Variants in MBD5 observed in about 807,000 individuals in gnomAD.
MBD5 encodes the protein methyl-CpG binding domain protein 5.
MBD5 carries 13 observed loss-of-function variants against 117.3 expected under a neutral mutation model. The ratio of observed to expected loss-of-function variants is 0.11; its 90% CI spans 0.07 to 0.18. The LOEUF is 0.18. MBD5 is among the 10% of genes least tolerant of loss of function. The pLI, the probability that MBD5 is intolerant of heterozygous loss-of-function variation, is 1.00. For missense variants in MBD5, 1,879 were observed against 2,093.8 expected (o/e 0.90, Z 2.00); for synonymous variants, 727 against 766.4 (o/e 0.95, Z 0.85).
At chr2:148,111,324 T>C (rs2105350960) in intron 1 of MBD5, among the ~76,000 whole-genome samples, 1 of 152,264 alleles carries the variant, frequency 6.6e-6, no homozygotes, top group South Asian at 2.1e-4. Context: ...CCAATAATGT[T>C]TAGCCTAAGT....
intron 2 of MBD5, among the ~76,000 whole-genome samples, chr2:148,214,296 G>A (rs1699500017): frequency 1.3e-5 from 2 of 152,146 alleles, no homozygotes; most frequent in African/African-American, 4.8e-5. Context: ...ACATAAATAA[G>A]CATGGCTGTG....
chr2:148,322,638 A>G (rs564673848), intron 3 of MBD5, among the ~76,000 whole-genome samples: 5 of 152,172 alleles, frequency 3.3e-5, no homozygotes, highest in Non-Finnish European at 5.9e-5. Context: ...CTGTAGACTT[A>G]CTCCATGTGC....
At chr2:148,473,261 A>G (rs556317534) in intron 8 of MBD5, among the ~76,000 whole-genome samples, 56 of 152,262 alleles carry the variant, frequency 3.7e-4, no homozygotes, top group Admixed American at 2.7e-3. Context: ...ACTGCCCCTT[A>G]TTAGTGAATC....
chr2:148,346,126 C>G (rs1000180974), intron 4 of MBD5: 9 of 151,800 alleles, frequency 5.9e-5, no homozygotes, highest in African/African-American at 1.9e-4. Flanking sequence ...ATGGGAGTCT[C>G]TGTACTTTCC....
At chr2:148,299,465 T>C (rs780610252) in intron 3 of MBD5, among the ~76,000 whole-genome samples, 114 of 152,312 alleles carry the variant, frequency 7.5e-4, no homozygotes, top group Non-Finnish European at 1.3e-3. Context: ...TAAAGTTGTT[T>C]GTAACTTTAG....
At chr2:148,285,273 GTTATATACCT>G (rs1423922630) in intron 3 of MBD5, among the ~76,000 whole-genome samples, 2 of 152,144 alleles carry the variant, frequency 1.3e-5, no homozygotes, top group African/African-American at 4.8e-5. Context: ...CTCAATAACA[GTTATATACCT>G]TTGACATTGT....
At chr2:148,397,208 A>G (rs1447327299) in intron 4 of MBD5, among the ~76,000 whole-genome samples, 1 of 152,146 alleles carries the variant, frequency 6.6e-6, no homozygotes, top group Non-Finnish European at 1.5e-5. Flanking sequence ...GTGTAGTAAA[A>G]ATTGTCAACC....
At chr2:148,385,296 A>ATG (rs1704315255) in intron 4 of MBD5, among the ~76,000 whole-genome samples, 1 of 152,238 alleles carries the variant, frequency 6.6e-6, no homozygotes, top group Non-Finnish European at 1.5e-5. Flanking sequence ...AAAAGTGGGC[A>ATG]AAGGATATGA....
At chr2:148,434,978 C>A (rs929195098) in intron 4 of MBD5, among the ~76,000 whole-genome samples, 1 of 151,986 alleles carries the variant, frequency 6.6e-6, no homozygotes, top group Middle Eastern at 3.2e-3. Flanking sequence ...GGAATTGAAC[C>A]CTTTGTCATT....
chr2:148,378,547 A>T lies in MBD5; in HGVS notation c.-557+36211A>T, dbSNP rs186674774. 4.6e-5 allele frequency among the ~76,000 whole-genome samples: 7 copies of T among 152,218 alleles called. No homozygotes were observed. In the East Asian group the frequency reaches 1.3e-3, roughly 29 times the overall value. On this transcript the variant is annotated intron_variant, in intron 4 of 13. Coordinates refer to ENST00000642680, the MANE Select transcript of MBD5 (RefSeq NM_001378120.1). The stretch of plus-strand genomic sequence containing the variant: ...TCAGAGTAGTTTTAGTTTTTATACT[A>T]TATCATAAATAGCTCATCAGCTGTG...
chr2:148,510,824 T>C (rs1406583506), intron 13 of MBD5, among the ~76,000 whole-genome samples: 1 of 152,246 alleles, frequency 6.6e-6, no homozygotes, highest in Non-Finnish European at 1.5e-5. Context: ...AAACCATCAT[T>C]TCGCAGATGG....
In MBD5 at chr2:148,063,728, G is replaced by A. The variant is rs963987552; in HGVS notation, c.-925+42044G>A. Among the ~76,000 whole-genome samples the A allele has an allele frequency of 5.3e-5, 8 of 151,936 alleles. No homozygotes were observed. The East Asian group carries it at 5.8e-4, about 11-fold the overall frequency. On this transcript the variant is annotated intron_variant, in intron 1 of 13. Coordinates refer to ENST00000642680, the MANE Select transcript of MBD5 (RefSeq NM_001378120.1). The stretch of plus-strand genomic sequence containing the variant: ...TTTCCCACCACTGTACAATTTACAC[G>A]TCCTGAAAAGCCTGTTAATATACCA...
chr2:148,230,680 A>T (rs1699962287), intron 2 of MBD5, among the ~76,000 whole-genome samples: 1 of 152,072 alleles, frequency 6.6e-6, no homozygotes, highest in Non-Finnish European at 1.5e-5. Flanking sequence ...AGCAAGTCTC[A>T]GAGTCTCACC....
chr2:148,294,509 T>TTTTTTGTTTGTTTTTTTTTTTGTTTG (rs750245317), intron 3 of MBD5, among the ~76,000 whole-genome samples: 10 of 129,984 alleles, frequency 7.7e-5, no homozygotes, highest in Non-Finnish European at 1.3e-4. Context: ...CAGTTTTTTT[T>TTTTTTGTTTGTTTTTTTTTTTGTTTG]TTTTTTTTTT....
chr2:148,436,243 G>A (rs1706153808), intron 4 of MBD5, among the ~76,000 whole-genome samples: 1 of 152,158 alleles, frequency 6.6e-6, no homozygotes, highest in Admixed American at 6.5e-5. Context: ...CTCCACTCCT[G>A]TCTGATCAGG....
intron 1 of MBD5, among the ~76,000 whole-genome samples, chr2:148,076,182 TG>T (rs1381746026): frequency 3.1e-3 from 94 of 30,726 alleles, no homozygotes; most frequent in Non-Finnish European, 4.2e-3. Context: ...CGTCGTTTTT[TG>T]TTGTTGTTGT....
At chr2:148,353,636 AG>A (rs1213708171) in intron 4 of MBD5, among the ~76,000 whole-genome samples, 5 of 152,154 alleles carry the variant, frequency 3.3e-5, no homozygotes, top group African/African-American at 7.2e-5. Context: ...GTTGGAGTAT[AG>A]TAGCATAATT....
chr2:148,282,282 A>G (rs1268081854), intron 3 of MBD5, among the ~76,000 whole-genome samples: 1 of 152,152 alleles, frequency 6.6e-6, no homozygotes. Context: ...TGGCATATAT[A>G]TGATTCATTC....
chr2:148,495,276 G>T (rs1681666059), intron 11 of MBD5, among the ~76,000 whole-genome samples: 1 of 152,030 alleles, frequency 6.6e-6, no homozygotes, highest in Non-Finnish European at 1.5e-5. Flanking sequence ...TTATCTTTAT[G>T]TACCTATTTC....
Sources: gnomAD v4.1 joint callset for allele counts (sites outside exome capture counted in the v4.1 genomes callset) on GRCh38, gnomAD v4.1.1 for gene constraint, MANE v1.5 for transcripts, NCBI Gene and HGNC (gene_info 2026-07-23, HGNC 2026-07-21) for gene names.